The following DDX10 variants were observed in gnomAD, a reference collection of about 807,000 sequenced individuals.
DDX10 encodes DEAD-box helicase 10, also known as probable ATP-dependent RNA helicase DDX10.
A neutral mutation model predicts 104.3 loss-of-function variants in DDX10; 74 were observed. That is an observed-to-expected ratio of 0.71 (90% CI 0.59 to 0.86). DDX10 has a LOEUF of 0.86. DDX10 is among the 40% of genes least tolerant of loss of function. The probability of loss-of-function intolerance (pLI) is 0.00; values close to 1 mark genes in which losing one functional copy is unlikely to be tolerated. For missense variants in DDX10, 952 were observed against 1,040.0 expected, an observed-to-expected ratio of 0.92 and a Z score of 1.16; for synonymous variants, 351 against 353.4, an observed-to-expected ratio of 0.99 and a Z score of 0.08.
rs1565316439 is a variant in DDX10 at position 108,911,553 on chromosome 11, C to CTTTTTTTTTTT, written c.2305-6318_2305-6317insTTTTTTTTTTT. 1.7e-5 allele frequency among the ~76,000 whole-genome samples: 2 copies of CTTTTTTTTTTT among 117,146 alleles called. 1 individual carries two copies. The allele number at this position is 117,146 out of a possible 152,430, so 76.9% of individuals were successfully genotyped here. ...CCAGTTCCCAAAAGCTTTGCCTCCT[C>CTTTTTTTTTTT]TTCTTTTTTTTTTTTTTTTTTTTTT... On this transcript the variant is annotated intron_variant, in intron 16 of 17. Transcript: ENST00000322536.
In DDX10 at chr11:108,834,818, C is replaced by G. The variant is rs913810004; in HGVS notation, c.1966-3628C>G. 1.5e-4 allele frequency among the ~76,000 whole-genome samples: 22 copies of G among 150,794 alleles called. No homozygotes were observed. The Middle Eastern group carries it at 0.01, about 71-fold the overall frequency. ...TGGCGGGCGCCTGTAGTCCCAGCTA[C>G]TCCGGAGGCTGAGGCAGGAGAATGA... is the stretch of plus-strand genomic sequence containing the variant. On this transcript the variant is annotated intron_variant, in intron 13 of 17. Coordinates refer to ENST00000322536, the MANE Select transcript of DDX10 (RefSeq NM_004398.4).
chr11:108,802,714 C>G (rs1862039042), intron 13 of DDX10, among the ~76,000 whole-genome samples: 1 of 152,090 alleles, frequency 6.6e-6, no homozygotes, highest in African/African-American at 2.4e-5. Flanking sequence ...CAGGTGTGTA[C>G]TCTTATTTTT....
At chr11:108,926,410 AG>A (rs1207131732) in intron 17 of DDX10, among the ~76,000 whole-genome samples, 1 of 152,204 alleles carries the variant, frequency 6.6e-6, no homozygotes, top group African/African-American at 2.4e-5. Flanking sequence ...TATGTGAAGT[AG>A]TGGTATGATG....
At chr11:108,898,894 A>C (rs1367147997) in intron 16 of DDX10, among the ~76,000 whole-genome samples, 2 of 152,184 alleles carry the variant, frequency 1.3e-5, no homozygotes, top group African/African-American at 4.8e-5. Context: ...GGTTTGTTGA[A>C]AGTCAGCTGA....
intron 13 of DDX10, among the ~76,000 whole-genome samples, chr11:108,760,029 A>AT (rs1288143150): frequency 6.6e-6 from 1 of 151,652 alleles, no homozygotes; most frequent in Admixed American, 6.6e-5. Context: ...ATCTCACACT[A>AT]TAAGAGTTAG....
At chr11:108,703,835 G>A (rs1202618929) in intron 9 of DDX10, among the ~76,000 whole-genome samples, 1 of 152,122 alleles carries the variant, frequency 6.6e-6, no homozygotes, top group East Asian at 1.9e-4. Context: ...TTTGGTATTA[G>A]CGTGTGGGAG....
intron 16 of DDX10, among the ~76,000 whole-genome samples, chr11:108,890,263 G>A (rs1338366574): frequency 6.6e-6 from 1 of 152,112 alleles, no homozygotes; most frequent in Non-Finnish European, 1.5e-5. Context: ...GTGCCTATAC[G>A]ATAATAGCCT....
At position 108,912,461 on chromosome 11, in the gene DDX10, T is replaced by C. The variant is rs548305710; in HGVS notation, c.2305-5412T>C. Reference sequence around the variant, plus strand: ...AATTATTATAGTTTTAAAACTGATATCCTTCCTTCAAATGTTATACCTTCC... The same window carrying C: ...AATTATTATAGTTTTAAAACTGATACCCTTCCTTCAAATGTTATACCTTCC... On this transcript the variant is annotated intron_variant, in intron 16 of 17. Coordinates refer to ENST00000322536, the MANE Select transcript of DDX10 (RefSeq NM_004398.4). 3.6e-4 allele frequency among the ~76,000 whole-genome samples: 55 copies of C among 152,300 alleles called. 1 individual carries two copies. In the South Asian group the frequency reaches 0.011, roughly 31 times the overall value.
chr11:108,892,753 T>C (rs1031897202), intron 16 of DDX10, among the ~76,000 whole-genome samples: 54 of 152,314 alleles, frequency 3.5e-4, no homozygotes, highest in African/African-American at 1.3e-3. Context: ...TGGGATGAGA[T>C]GGGGATTGAC....
At chr11:108,931,016 A>C (rs1272223828) in intron 17 of DDX10, among the ~76,000 whole-genome samples, 2 of 152,110 alleles carry the variant, frequency 1.3e-5, no homozygotes, top group African/African-American at 4.8e-5. Context: ...TCTTCCCTCC[A>C]ACAACATTTG....
At chr11:108,681,839 A>C (rs868731760) in intron 6 of DDX10, among the ~76,000 whole-genome samples, 1 of 152,216 alleles carries the variant, frequency 6.6e-6, no homozygotes, top group Non-Finnish European at 1.5e-5. Flanking sequence ...TTATGTTATT[A>C]GGTATATACA....
intron 16 of DDX10, among the ~76,000 whole-genome samples, chr11:108,899,193 T>C (rs1454113013): frequency 1.3e-5 from 2 of 152,178 alleles, no homozygotes; most frequent in East Asian, 3.8e-4. Context: ...CCCTTTTCTC[T>C]GCAGTAGTTC....
At position 108,673,749 on chromosome 11, in the gene DDX10, A is replaced by G. The variant is rs187296228; in HGVS notation, c.247+222A>G. ...AAGTTTCCAGCATCCTCTGAATAAA[A>G]TGAAATCTAATTTTGTTAGTTAAAA... On this transcript the variant is annotated intron_variant, in intron 2 of 17. Transcript: ENST00000322536. Among the ~76,000 whole-genome samples the G allele has an allele frequency of 2.7e-3, 413 of 152,380 alleles. 1 individual carries two copies. Among genetic ancestry groups the G allele is most frequent in the African/African-American group, 8.1e-3 (337 of 41,588 alleles).
At chr11:108,829,919 A>G (rs752142367) in intron 13 of DDX10, among the ~76,000 whole-genome samples, 10 of 152,164 alleles carry the variant, frequency 6.6e-5, no homozygotes, top group Non-Finnish European at 1.3e-4. Flanking sequence ...TAATTGGTCT[A>G]TGTGCCTATT....
intron 17 of DDX10, among the ~76,000 whole-genome samples, chr11:108,938,069 G>A (rs1864059060): frequency 6.6e-6 from 1 of 152,158 alleles, no homozygotes; most frequent in Admixed American, 6.5e-5. Flanking sequence ...CCTCGGCTTA[G>A]TGGAGAACAC....
intron 16 of DDX10, among the ~76,000 whole-genome samples, chr11:108,881,237 A>G (rs1373910474): frequency 6.6e-6 from 1 of 152,142 alleles, no homozygotes; most frequent in Non-Finnish European, 1.5e-5. Context: ...GAGGCTGTTA[A>G]GTTTTATGAC....
At chr11:108,770,488 C>T (rs952438378) in intron 13 of DDX10, among the ~76,000 whole-genome samples, 1 of 135,044 alleles carries the variant, frequency 7.4e-6, no homozygotes, top group Non-Finnish European at 1.6e-5. Context: ...ACCATCCCCC[C>T]TCCCCCCTCC....
chr11:108,883,527 G>A (rs1175829850), intron 16 of DDX10, among the ~76,000 whole-genome samples: 6 of 151,976 alleles, frequency 3.9e-5, no homozygotes, highest in Non-Finnish European at 8.8e-5. Flanking sequence ...CTTCTTATTA[G>A]TATGCAAACA....
intron 16 of DDX10, among the ~76,000 whole-genome samples, chr11:108,894,190 T>A (rs547039528): frequency 6.6e-6 from 1 of 152,052 alleles, no homozygotes; most frequent in African/African-American, 2.4e-5. Flanking sequence ...ACACTTTGCA[T>A]GTTTTAGCAG....
Sources: gnomAD v4.1 joint callset for allele counts (sites outside exome capture counted in the v4.1 genomes callset) on GRCh38, gnomAD v4.1.1 for gene constraint, MANE v1.5 for transcripts, NCBI Gene and HGNC (gene_info 2026-07-23, HGNC 2026-07-21) for gene names.